Variants in AFG2A observed in about 807,000 individuals in gnomAD.
AFG2A encodes ATPase family gene 2 protein homolog A.
At chr4:123,286,073 A>G in the AFG2A span, among the ~76,000 whole-genome samples, 2 of 152,086 alleles carry the variant, frequency 1.3e-5, no homozygotes, top group South Asian at 4.1e-4. Context: ...GGTTTTATTT[A>G]TATTCCCCTG....
At chr4:123,211,557 A>G in the AFG2A span, among the ~76,000 whole-genome samples, 2 of 152,184 alleles carry the variant, frequency 1.3e-5, no homozygotes, top group Non-Finnish European at 2.9e-5. Context: ...ACCCTATTAT[A>G]TGTGAATTGG....
the AFG2A span, among the ~76,000 whole-genome samples, chr4:123,245,100 A>G: frequency 3.3e-5 from 5 of 152,182 alleles, no homozygotes; most frequent in African/African-American, 7.2e-5. Context: ...AGAGATCACT[A>G]TTTATAAATT....
the AFG2A span, among the ~76,000 whole-genome samples, chr4:123,126,797 T>C: frequency 6.6e-6 from 1 of 152,204 alleles, no homozygotes; most frequent in African/African-American, 2.4e-5. Context: ...TTTTTTCCTT[T>C]ATAAACTACC....
At chr4:123,053,050 C>G in the AFG2A span, among the ~76,000 whole-genome samples, 2 of 152,210 alleles carry the variant, frequency 1.3e-5, no homozygotes, top group African/African-American at 4.8e-5. Flanking sequence ...CTTTTTCTAG[C>G]CACACTGGCA....
the AFG2A span, chr4:122,934,506 A>G: frequency 1.2e-6 from 2 of 1,614,118 alleles, no homozygotes; most frequent in Admixed American, 1.7e-5. Context: ...AACTTACTGA[A>G]GAAGAGAGAC....
chr4:123,264,512 A>T, the AFG2A span, among the ~76,000 whole-genome samples: 1 of 152,190 alleles, frequency 6.6e-6, no homozygotes, highest in East Asian at 1.9e-4. Flanking sequence ...AACTCTAAGG[A>T]CAAAAGCACA....
the AFG2A span, among the ~76,000 whole-genome samples, chr4:123,137,137 ATGCT>A: frequency 1.3e-5 from 2 of 152,154 alleles, no homozygotes. Context: ...TCAGGCAGTA[ATGCT>A]TGCTTGCTTG....
chr4:123,091,793 A>G, the AFG2A span, among the ~76,000 whole-genome samples: 150 of 152,330 alleles, frequency 9.8e-4, 3 homozygotes, highest in South Asian at 0.03. Context: ...TCTAATATGT[A>G]ATATTTTATA....
chr4:123,132,980 C>T, the AFG2A span, among the ~76,000 whole-genome samples: 2 of 152,024 alleles, frequency 1.3e-5, no homozygotes, highest in African/African-American at 4.8e-5. Flanking sequence ...CGGGGTTTCA[C>T]CGTGTTAGCC....
At chr4:123,060,284 A>T in the AFG2A span, among the ~76,000 whole-genome samples, 3 of 152,220 alleles carry the variant, frequency 2.0e-5, no homozygotes, top group Non-Finnish European at 2.9e-5. Context: ...CAGCTCCACT[A>T]GGTGGTGCCC....
chr4:122,947,247 A>T, the AFG2A span: 1 of 1,601,796 alleles, frequency 6.2e-7, no homozygotes, highest in Non-Finnish European at 8.5e-7. Context: ...TAAGTGAAGG[A>T]CAAGTGTTGG....
chr4:123,028,279 CG>C, the AFG2A span: 8 of 1,614,114 alleles, frequency 5.0e-6, no homozygotes, highest in Admixed American at 1.7e-5. Flanking sequence ...GTCTTTCATT[CG>C]AATGGGTATT....
At chr4:123,183,009 C>T in the AFG2A span, among the ~76,000 whole-genome samples, 1 of 152,152 alleles carries the variant, frequency 6.6e-6, no homozygotes, top group Non-Finnish European at 1.5e-5. Flanking sequence ...TCAGAATCAC[C>T]AGATAAGCTT....
chr4:123,256,250 A>G, the AFG2A span: 24 of 1,552,000 alleles, frequency 1.5e-5, no homozygotes, highest in Admixed American at 3.6e-4. Context: ...AGCAAAATAA[A>G]TTGCTTGCCC....
At chr4:123,025,770 T>C in the AFG2A span, among the ~76,000 whole-genome samples, 1 of 152,300 alleles carries the variant, frequency 6.6e-6, no homozygotes, top group East Asian at 1.9e-4. Flanking sequence ...TTCTTCTCTT[T>C]TTTAAAAGTT....
chr4:122,957,223 C>T, the AFG2A span, among the ~76,000 whole-genome samples: 1 of 152,208 alleles, frequency 6.6e-6, no homozygotes, highest in African/African-American at 2.4e-5. Flanking sequence ...CAGTGGTCTT[C>T]TCTTTTGTAT....
chr4:123,222,178 A>G, the AFG2A span, among the ~76,000 whole-genome samples: 2 of 152,220 alleles, frequency 1.3e-5, no homozygotes. Flanking sequence ...TCCTGAGCTA[A>G]TAGAGGAACA....
the AFG2A span, among the ~76,000 whole-genome samples, chr4:123,031,862 G>C: frequency 6.6e-6 from 1 of 152,156 alleles, no homozygotes; most frequent in Non-Finnish European, 1.5e-5. Context: ...CTTCAGCTTG[G>C]CTTGTGTGAG....
chr4:123,006,860 C>T, the AFG2A span, among the ~76,000 whole-genome samples: 22 of 150,798 alleles, frequency 1.5e-4, no homozygotes, highest in Admixed American at 1.4e-3. Context: ...TCTCTTTCTC[C>T]TTACGGGTAT....
Sources: gnomAD v4.1 joint callset for allele counts (sites outside exome capture counted in the v4.1 genomes callset) on GRCh38, gnomAD v4.1.1 for gene constraint, MANE v1.5 for transcripts, NCBI Gene and HGNC (gene_info 2026-07-23, HGNC 2026-07-21) for gene names.